KDM5B: variants seen among roughly 807,000 people sequenced by gnomAD.
KDM5B encodes lysine-specific demethylase 5B.
Under a neutral mutation model 193.4 loss-of-function variants are expected in KDM5B, and 144 were observed. The ratio of observed to expected loss-of-function variants is 0.74; its 90% CI spans 0.65 to 0.86. The LOEUF is 0.86. Among genes scored for constraint, KDM5B ranks in the 40% least tolerant of loss-of-function variants. KDM5B has a pLI of 0.00. For synonymous variants in KDM5B, 668 were observed against 682.6 expected (o/e 0.98, Z 0.33); for missense variants, 1,833 against 1,886.9 (o/e 0.97, Z 0.53).
chr1:202,755,451 T>C lies in KDM5B; in HGVS notation c.1358A>G (p.Glu453Gly). The change falls in exon 11 of 27, where the codon GAG becomes GGG. Residue 453 changes from glutamate (E) to glycine (G), a missense_variant and splice_region_variant. Physicochemically the swap from Glu to Gly is moderately conservative, Grantham distance 98. Around this residue, in one of 3 missense-constraint regions of KDM5B, gnomAD observed 1,379 missense variants for 1,349.6 expected, o/e 1.02. Coordinates refer to ENST00000367265, the MANE Select transcript of KDM5B (RefSeq NM_006618.5). Reference protein sequence around the residue: ...GKIKLSPEEEEYLDSGWNLNN... With the variant: ...GKIKLSPEEEGYLDSGWNLNN... ...CAAATTCCAGCCACTATCAAGATAC[T>C]CCTAAAAATAAGAAGACAAAAGAGG... 6.2e-7 allele frequency: 1 copy of C among 1,609,086 alleles called. No homozygotes were observed. Among genetic ancestry groups the C allele is most frequent in the Non-Finnish European group, 8.5e-7 (1 of 1,176,496 alleles).
rs139597400 is a variant in KDM5B, at chr1:202,799,211, T to C, written c.204+8891A>G. ...AGCCCTAGGTCAGTGTCAGATCCCCTTAGAGCAGATGACAAGCATACGTTG... is the reference window on the plus strand; with the variant it reads ...AGCCCTAGGTCAGTGTCAGATCCCCCTAGAGCAGATGACAAGCATACGTTG... On this transcript the variant is annotated intron_variant, in intron 1 of 26. Transcript: ENST00000367265. Among the ~76,000 whole-genome samples the C allele has an allele frequency of 1.4e-4, 22 of 152,284 alleles. No homozygotes were observed. In the East Asian group the frequency reaches 4.2e-3, roughly 29 times the overall value.
intron 1 of KDM5B, among the ~76,000 whole-genome samples, chr1:202,798,669 G>C (rs1053050809): frequency 6.6e-6 from 1 of 151,982 alleles, no homozygotes; most frequent in Non-Finnish European, 1.5e-5. Context: ...GAGGCTCCAA[G>C]GAGCTGTGAT....
intron 24 of KDM5B, among the ~76,000 whole-genome samples, 156 bp downstream of exon 24, chr1:202,731,670 AAT>A (rs1242608520): frequency 2.0e-5 from 3 of 152,198 alleles, no homozygotes; most frequent in African/African-American, 7.2e-5. Flanking sequence ...TAAGCCTTCA[AAT>A]AGGATCCCTT....
chr1:202,734,297 T>TTAAA (rs1655013002), intron 22 of KDM5B, among the ~76,000 whole-genome samples: 1 of 102,590 alleles, frequency 9.7e-6, no homozygotes, highest in South Asian at 3.5e-4. Flanking sequence ...TTATCTCTAT[T>TTAAA]AAAAAAAAAA....
At chr1:202,769,463 A>G (rs1322105844) in intron 4 of KDM5B, among the ~76,000 whole-genome samples, 13 of 151,444 alleles carry the variant, frequency 8.6e-5, no homozygotes, top group Admixed American at 8.5e-4. Flanking sequence ...TGAGGTCAGG[A>G]GTTCGAAACC....
intron 5 of KDM5B, among the ~76,000 whole-genome samples, chr1:202,765,396 G>A (rs1437336860): frequency 6.6e-6 from 1 of 152,170 alleles, no homozygotes; most frequent in African/African-American, 2.4e-5. Context: ...GTGGAACTGT[G>A]CTTTCTCACT....
intron 1 of KDM5B, among the ~76,000 whole-genome samples, chr1:202,781,289 G>A (rs906213992): frequency 1.3e-5 from 2 of 152,160 alleles, no homozygotes; most frequent in Non-Finnish European, 2.9e-5. Context: ...AACAGAGCAC[G>A]AACCTAGCTC....
chr1:202,758,128 G>T (rs956742692), intron 9 of KDM5B, among the ~76,000 whole-genome samples: 1 of 152,148 alleles, frequency 6.6e-6, no homozygotes, highest in Non-Finnish European at 1.5e-5. Context: ...GATTGCTGAT[G>T]ATTTTCTTTA....
At chr1:202,794,188 G>T (rs182408164) in intron 1 of KDM5B, among the ~76,000 whole-genome samples, 2 of 152,246 alleles carry the variant, frequency 1.3e-5, no homozygotes, top group East Asian at 3.9e-4. Context: ...GTTAAAGCCT[G>T]GCAAGGATGA....
chr1:202,770,087 T>A (rs1040828112), intron 4 of KDM5B, among the ~76,000 whole-genome samples: 2 of 152,216 alleles, frequency 1.3e-5, no homozygotes, highest in African/African-American at 4.8e-5. Context: ...AAGAAAATCA[T>A]GCCCTGTAGT....
At position 202,808,351 on chromosome 1, in the gene KDM5B, G is replaced by C. The variant is rs939880618; in HGVS notation, c.-46C>G. The C allele has an allele frequency of 4.7e-6, 7 of 1,492,158 alleles. No homozygotes were observed. In the African/African-American group the frequency reaches 8.3e-5, roughly 18 times the overall value. 92.4% of individuals were successfully genotyped at this position (1,492,158 alleles called of 1,614,324 possible). ...CGAGGCGAAGGTGGGCTCCGGGACCGAGGCTGCGAGCTCCGCTCGGTCCGA... is the reference window on the plus strand; with the variant it reads ...CGAGGCGAAGGTGGGCTCCGGGACCCAGGCTGCGAGCTCCGCTCGGTCCGA... On this transcript the variant is annotated 5_prime_UTR_variant, in exon 1 of 27. Coordinates refer to ENST00000367265, the MANE Select transcript of KDM5B (RefSeq NM_006618.5).
In KDM5B at chr1:202,733,337, G is replaced by A. The variant is rs149341362; in HGVS notation, c.3909+64C>T. On this transcript the variant is annotated intron_variant, in intron 23 of 26. Coordinates refer to ENST00000367265, the MANE Select transcript of KDM5B (RefSeq NM_006618.5). ...GGGAATAGCAACACCAAAGCTACAG[G>A]TTCGAGAGAAAGGTACAGAGCTTTG... 64 of 1,549,384 alleles carry A rather than the reference G, an allele frequency of 4.1e-5. No individual in the cohort carries two copies. The African/African-American group carries it at 5.7e-4, about 14-fold the overall frequency.
intron 4 of KDM5B, among the ~76,000 whole-genome samples, chr1:202,770,900 A>C (rs1268466919): frequency 2.0e-5 from 3 of 152,214 alleles, no homozygotes; most frequent in Non-Finnish European, 4.4e-5. Context: ...ATATCTACCT[A>C]TATTGTAGAT....
In KDM5B at chr1:202,742,661, T is replaced by C. The variant is rs773009810; in HGVS notation, c.2468A>G (p.Gln823Arg). ...VAQQLLNGKR[Q>R]TRYRSGGGKS... ...CGCAGTCAGAAGCGCATACCTAGTTTGCCTTTTGCCATTAAGCAACTGCTG... is the reference window on the plus strand; with the variant it reads ...CGCAGTCAGAAGCGCATACCTAGTTCGCCTTTTGCCATTAAGCAACTGCTG... The change falls in exon 17 of 27, where the codon CAA becomes CGA. Residue 823 changes from glutamine to arginine, a missense_variant. Physicochemically the swap from Gln to Arg is conservative, Grantham distance 43. This residue lies in a region of KDM5B where 1,379 missense variants were observed against 1,349.6 expected (regional missense o/e 1.02). Transcript: ENST00000367265. 1 of 1,614,036 alleles carries C rather than the reference T, an allele frequency of 6.2e-7. No homozygotes were observed. Among genetic ancestry groups the C allele is most frequent in the Non-Finnish European group, 8.5e-7 (1 of 1,179,944 alleles).
At chr1:202,752,242 T>C (rs1655817723) in intron 12 of KDM5B, among the ~76,000 whole-genome samples, 1 of 152,224 alleles carries the variant, frequency 6.6e-6, no homozygotes, top group South Asian at 2.1e-4. Flanking sequence ...CACATATCAA[T>C]GGTGATCTGT....
intron 20 of KDM5B, among the ~76,000 whole-genome samples, chr1:202,740,397 C>T (rs1292917607): frequency 2.5e-5 from 3 of 119,532 alleles, no homozygotes; most frequent in African/African-American, 2.9e-5. Context: ...GGCAGCCGGC[C>T]GGGTGGGGGT....
chr1:202,781,370 G>A (rs1398954544), intron 1 of KDM5B, among the ~76,000 whole-genome samples: 1 of 152,164 alleles, frequency 6.6e-6, no homozygotes, highest in Non-Finnish European at 1.5e-5. Context: ...AATGCCCGCC[G>A]GTGATGCATG....
chr1:202,750,913 A>G (rs377062299), intron 12 of KDM5B, 135 bp from the exon 13 acceptor site: 1 of 787,750 alleles, frequency 1.3e-6, no homozygotes. Context: ...AAAACAAATT[A>G]TTATAGTAGA....
rs766135362 is a variant in KDM5B at position 202,746,321 on chromosome 1, T to A, written c.2019A>T (p.Gly673=). ...KALRETVRKL[G]VIDSERMDFE... is the part of the protein sequence containing the mutation. Reference sequence around the variant, plus strand: ...AATCCATTCTTTCCGAATCAATCACTCCCTAGAATAAAGTATACTTTAGAG... The same window carrying A: ...AATCCATTCTTTCCGAATCAATCACACCCTAGAATAAAGTATACTTTAGAG... Residue 673 remains glycine, a splice_region_variant and synonymous_variant, in exon 15 of 27, where the codon GGA becomes GGT. Transcript: ENST00000367265. 9 of 1,598,160 alleles carry A rather than the reference T, an allele frequency of 5.6e-6. No individual in the cohort carries two copies. In the African/African-American group the frequency reaches 1.1e-4, roughly 19 times the overall value.
Sources: gnomAD v4.1 joint callset for allele counts (sites outside exome capture counted in the v4.1 genomes callset) on GRCh38, gnomAD v4.1.1 for gene constraint, gnomAD v4.1.1 regional missense constraint, MANE v1.5 for transcripts, NCBI Gene and HGNC (gene_info 2026-07-23, HGNC 2026-07-21) for gene names.